Variants in APOOL observed in about 807,000 individuals in gnomAD.
APOOL encodes the protein apolipoprotein O like, also known as MICOS complex subunit MIC27.
A neutral mutation model predicts 23.1 loss-of-function variants in APOOL; 12 were observed. The ratio of observed to expected loss-of-function variants is 0.52; its 90% CI spans 0.33 to 0.84. The LOEUF (loss-of-function observed/expected upper bound fraction) is 0.84. APOOL is among the 40% of genes least tolerant of loss of function. The pLI, the probability that APOOL is intolerant of heterozygous loss-of-function variation, is 0.02. For synonymous variants in APOOL, 77 were observed against 69.9 expected (o/e 1.10, Z -0.51); for missense variants, 212 against 199.6 (o/e 1.06, Z -0.37).
chrX:85,052,275 C>G (rs1465223473), intron 3 of APOOL, among the ~76,000 whole-genome samples: 1 of 112,129 alleles, frequency 8.9e-6, no homozygotes, highest in Non-Finnish European at 1.9e-5. Context: ...ACCATTCTAA[C>G]TACAGTAAGC....
intron 5 of APOOL, among the ~76,000 whole-genome samples, chrX:85,059,842 A>G (rs966612398): frequency 9.1e-6 from 1 of 110,395 alleles, no homozygotes; most frequent in African/African-American, 3.3e-5. Context: ...GTTCACTTTG[A>G]TGGTAGTTTC....
intron 1 of APOOL, among the ~76,000 whole-genome samples, chrX:85,018,405 A>G (rs971559068): frequency 1.8e-5 from 2 of 111,159 alleles, no homozygotes; most frequent in African/African-American, 6.6e-5. Context: ...CTCACTCACT[A>G]TTATGAGGAC....
chrX:85,054,328 C>CTTT lies in APOOL; in HGVS notation c.241-9_241-7dup. 8.8e-7 allele frequency: 1 copy of CTTT among 1,138,143 alleles called. No homozygotes were observed. The highest frequency in any genetic ancestry group is 1.2e-6 in the Non-Finnish European group (1 of 850,506). The allele number at this position is 1,138,143 out of a possible 1,213,427, so 93.8% of individuals were successfully genotyped here. The stretch of plus-strand genomic sequence containing the variant: ...TCAAAAATGCAGATGTCTTCCCCCC[C>CTTT]TTTTTTTTTGCTTAGGGTGTTTATG... On this transcript the variant is annotated splice_polypyrimidine_tract_variant and intron_variant, in intron 3 of 8. Transcript: ENST00000373173.
chrX:85,064,397 T>G (rs1361223228), intron 5 of APOOL, among the ~76,000 whole-genome samples: 1 of 106,897 alleles, frequency 9.4e-6, no homozygotes, highest in Non-Finnish European at 1.9e-5. Context: ...GCTCTGAAGC[T>G]TGGTTATTTC....
In APOOL at chrX:85,091,472, CT is replaced by C. The variant is rs1924515530; in HGVS notation, c.*3796del. On this transcript the variant is annotated 3_prime_UTR_variant, in exon 9 of 9. Transcript: ENST00000373173. ...TAATATTTTCTCACAGACAAGGTTC[CT>C]TGTGGATATCACTGAATAATTTTTG... The C allele has an allele frequency of 8.9e-6, 1 of 111,851 alleles. No homozygotes were observed. Among genetic ancestry groups the C allele is most frequent in the Non-Finnish European group, 1.9e-5 (1 of 53,208 alleles). The allele number at this position is 111,851 out of a possible 1,213,427, so 9.2% of individuals were successfully genotyped here. A position where few individuals can be genotyped will look rare whatever the true frequency, so the allele number is the denominator to read the frequency against.
chrX:85,006,543 AGGTGTCTTTT>A, intron 1 of APOOL, among the ~76,000 whole-genome samples: 1 of 108,949 alleles, frequency 9.2e-6, no homozygotes. Flanking sequence ...ATTCCAGAAA[AGGTGTCTTTT>A]AATTAAAAAA....
chrX:85,061,922 C>T (rs1246942576), intron 5 of APOOL, among the ~76,000 whole-genome samples: 1 of 111,212 alleles, frequency 9.0e-6, no homozygotes, highest in African/African-American at 3.3e-5. Context: ...CTTCTGCTAG[C>T]TTTTGAATGT....
chrX:85,069,413 C>T (rs941681267), intron 6 of APOOL, among the ~76,000 whole-genome samples: 18 of 109,468 alleles, frequency 1.6e-4, no homozygotes, highest in South Asian at 3.9e-4. Flanking sequence ...TGTCTTTCTT[C>T]GGCATGACCA....
chrX:85,088,801 T>A lies in APOOL; in HGVS notation c.*1123T>A, dbSNP rs1429753937. 5 of 57,189 alleles carry A rather than the reference T, an allele frequency of 8.7e-5. No homozygotes were observed. The highest frequency in any genetic ancestry group is 3.4e-4 in the African/African-American group (5 of 14,615). 4.7% of individuals were successfully genotyped at this position (57,189 alleles called of 1,213,427 possible). Reference sequence around the variant, plus strand: ...TTCCACCCTGTTTAATTTCTAGTCTTCGGTTTCTCTTTTTACAGTGAGCAA... The same window carrying A: ...TTCCACCCTGTTTAATTTCTAGTCTACGGTTTCTCTTTTTACAGTGAGCAA... On this transcript the variant is annotated 3_prime_UTR_variant, in exon 9 of 9. Transcript: ENST00000373173.
intron 1 of APOOL, among the ~76,000 whole-genome samples, chrX:85,021,707 A>G (rs1449413382): frequency 8.9e-6 from 1 of 111,958 alleles, no homozygotes. Context: ...ACAAACAAAC[A>G]AACAAAAACT....
intron 5 of APOOL, among the ~76,000 whole-genome samples, chrX:85,059,839 T>C (rs374891249): frequency 0.055 from 6,062 of 110,328 alleles, 446 homozygotes; most frequent in African/African-American, 0.18. Flanking sequence ...CCTGTTCACT[T>C]TGATGGTAGT....
At chrX:85,069,249 C>G (rs1923576017) in intron 6 of APOOL, among the ~76,000 whole-genome samples, 1 of 110,321 alleles carries the variant, frequency 9.1e-6, no homozygotes, top group South Asian at 3.9e-4. Context: ...CTATCCAAAA[C>G]TTTATGAAAA....
At chrX:85,070,304 T>A (rs1040913748) in intron 6 of APOOL, among the ~76,000 whole-genome samples, 1 of 111,503 alleles carries the variant, frequency 9.0e-6, no homozygotes, top group African/African-American at 3.3e-5. Flanking sequence ...AAATGATAAG[T>A]CTAGAAGGTC....
chrX:85,092,729 T>G lies in APOOL; in HGVS notation c.*5051T>G. 2 of 456,296 alleles carry G rather than the reference T, an allele frequency of 4.4e-6. No homozygotes were observed. Among genetic ancestry groups the G allele is most frequent in the Non-Finnish European group, 7.0e-6 (2 of 284,971 alleles). 37.6% of individuals were successfully genotyped at this position (456,296 alleles called of 1,213,427 possible). A position where few individuals can be genotyped will look rare whatever the true frequency, so the allele number is the denominator to read the frequency against. On this transcript the variant is annotated 3_prime_UTR_variant, in exon 9 of 9. Coordinates refer to ENST00000373173, the MANE Select transcript of APOOL (RefSeq NM_198450.6). The stretch of plus-strand genomic sequence containing the variant: ...TTCTATAGCTGTAAAAAGAAAAAAG[T>G]CTCACTGTTCTGAGCTTTAAAGCCC...
intron 2 of APOOL, among the ~76,000 whole-genome samples, chrX:85,049,169 T>G (rs1922676853): frequency 8.9e-6 from 1 of 111,858 alleles, no homozygotes; most frequent in Admixed American, 9.5e-5. Flanking sequence ...TAATCATAAT[T>G]TCTAAATGAG....
intron 1 of APOOL, among the ~76,000 whole-genome samples, chrX:85,032,296 A>G (rs955071305): frequency 9.0e-5 from 10 of 111,292 alleles, no homozygotes; most frequent in Non-Finnish European, 1.7e-4. Flanking sequence ...GGGCCGATCA[A>G]CTGAGGTCGG....
At position 85,021,014 on chromosome X, in the gene APOOL, A is replaced by G. The variant is rs536391290; in HGVS notation, c.15+17087A>G. On this transcript the variant is annotated intron_variant, in intron 1 of 8. Coordinates refer to ENST00000373173, the MANE Select transcript of APOOL (RefSeq NM_198450.6). The stretch of plus-strand genomic sequence containing the variant: ...ACTAGGATCAGGATTGTCCCCAGCA[A>G]TGGGCCAGTTCTCATGGCCATAGGC... 4.6e-4 allele frequency among the ~76,000 whole-genome samples: 52 copies of G among 111,975 alleles called. 1 individual carries two copies. The South Asian group carries it at 0.013, about 27-fold the overall frequency.
intron 5 of APOOL, among the ~76,000 whole-genome samples, chrX:85,066,512 T>C (rs1389482985): frequency 6.3e-5 from 7 of 111,337 alleles, no homozygotes. Flanking sequence ...GATTTTGTTA[T>C]CAAAAAAAGA....
chrX:85,040,402 A>G (rs1255792996), intron 1 of APOOL, among the ~76,000 whole-genome samples: 2 of 111,725 alleles, frequency 1.8e-5, no homozygotes, highest in Admixed American at 1.9e-4. Flanking sequence ...ACTGTCTCAC[A>G]TGGCTTCTAT....
Sources: allele counts gnomAD v4.1 joint callset (sites outside exome capture counted in the v4.1 genomes callset), GRCh38; gene constraint gnomAD v4.1.1; transcripts MANE v1.5; gene names NCBI Gene and HGNC (gene_info 2026-07-23, HGNC 2026-07-21).